Variants in DIAPH2 observed in about 807,000 individuals in gnomAD.
DIAPH2 encodes the protein protein diaphanous homolog 2.
In DIAPH2, 35 loss-of-function variants were observed where a neutral mutation model predicts 92.7. That is an observed-to-expected ratio of 0.38 (90% CI 0.29 to 0.50). The LOEUF (loss-of-function observed/expected upper bound fraction) is 0.50. Ranked by LOEUF, DIAPH2 falls within the 20% of genes least tolerant of loss-of-function variation. DIAPH2 has a pLI of 0.94. For missense variants in DIAPH2, 701 were observed against 819.5 expected, an observed-to-expected ratio of 0.86 and a Z score of 1.77; for synonymous variants, 301 against 280.4, an observed-to-expected ratio of 1.07 and a Z score of -0.73.
chrX:96,830,574 A>C, intron 4 of DIAPH2, among the ~76,000 whole-genome samples: 1 of 97,013 alleles, frequency 1.0e-5, no homozygotes. Context: ...CAGTCTCAAA[A>C]AAAAAAAAAA....
chrX:97,217,736 A>G (rs1043443846), intron 22 of DIAPH2, among the ~76,000 whole-genome samples: 24 of 111,777 alleles, frequency 2.1e-4, no homozygotes, highest in Non-Finnish European at 4.1e-4. Flanking sequence ...TCACGAGGTC[A>G]AGAGTTCAAG....
intron 26 of DIAPH2, among the ~76,000 whole-genome samples, chrX:97,433,657 C>CA (rs1213092981): frequency 8.9e-6 from 1 of 112,097 alleles, no homozygotes; most frequent in African/African-American, 3.2e-5. Flanking sequence ...TTGCTGATGT[C>CA]AAAATCAGAG....
At chrX:96,836,020 G>T (rs62597703) in intron 4 of DIAPH2, among the ~76,000 whole-genome samples, 5,121 of 110,412 alleles carry the variant, frequency 0.046, 120 homozygotes, top group Non-Finnish European at 0.074. Context: ...TCCCCATGTT[G>T]CCCAGGCTGT....
chrX:97,193,012 C>CTTTTCTTTTTTT (rs1256888466), intron 22 of DIAPH2, among the ~76,000 whole-genome samples: 9 of 86,590 alleles, frequency 1.0e-4, no homozygotes, highest in African/African-American at 3.5e-4. Flanking sequence ...TTTTTCTTTT[C>CTTTTCTTTTTTT]TTTTTTTTTT....
At chrX:97,235,620 AAAAG>A (rs1174176697) in intron 22 of DIAPH2, among the ~76,000 whole-genome samples, 4 of 108,851 alleles carry the variant, frequency 3.7e-5, no homozygotes, top group Non-Finnish European at 5.7e-5. Flanking sequence ...AAAAAAAAAA[AAAAG>A]AAAGAAATTT....
At chrX:97,204,503 CA>C (rs1330430695) in intron 22 of DIAPH2, among the ~76,000 whole-genome samples, 1 of 111,888 alleles carries the variant, frequency 8.9e-6, no homozygotes, top group Non-Finnish European at 1.9e-5. Context: ...GTGCAAAAAT[CA>C]CAAGCATTTC....
chrX:97,072,682 G>A (rs186806963), intron 17 of DIAPH2, among the ~76,000 whole-genome samples: 17 of 111,516 alleles, frequency 1.5e-4, no homozygotes, highest in Admixed American at 9.5e-4. Flanking sequence ...TTAATGTTGC[G>A]TATTAGGTAA....
At chrX:97,175,101 T>C (rs929555685) in intron 22 of DIAPH2, among the ~76,000 whole-genome samples, 1 of 111,862 alleles carries the variant, frequency 8.9e-6, no homozygotes, top group African/African-American at 3.2e-5. Flanking sequence ...TTCATGCCCA[T>C]ACTGCTAGCT....
intron 25 of DIAPH2, among the ~76,000 whole-genome samples, chrX:97,428,114 A>G (rs1265500239): frequency 9.2e-6 from 1 of 108,553 alleles, no homozygotes; most frequent in Non-Finnish European, 1.9e-5. Context: ...TTTTTTTTTC[A>G]TTCAATACCC....
intron 4 of DIAPH2, among the ~76,000 whole-genome samples, chrX:96,796,455 CA>C (rs956842147): frequency 1.8e-5 from 2 of 112,412 alleles, no homozygotes; most frequent in Non-Finnish European, 3.8e-5. Context: ...GCTGGGATTA[CA>C]GGCGTGAGCC....
chrX:96,712,288 A>G (rs760244090), intron 1 of DIAPH2, among the ~76,000 whole-genome samples: 1 of 109,454 alleles, frequency 9.1e-6, no homozygotes, highest in Non-Finnish European at 1.9e-5. Context: ...TTTTTATATA[A>G]TTTTTTCATC....
chrX:97,252,121 A>T (rs1338911886), intron 23 of DIAPH2, among the ~76,000 whole-genome samples: 1 of 112,302 alleles, frequency 8.9e-6, no homozygotes, highest in Non-Finnish European at 1.9e-5. Context: ...TATCTAAAAA[A>T]GCACATCAAC....
In DIAPH2 at chrX:97,446,493, CA is replaced by C. The variant is rs1193364717; in HGVS notation, c.3241+16751del. On this transcript the variant is annotated intron_variant, in intron 26 of 26. Transcript: ENST00000324765. Reference sequence around the variant, plus strand: ...TTCTTTATTATTAAGGCATGTAAAACAAAGAAAAAAATAATTTAAAGCACTT... The same window carrying C: ...TTCTTTATTATTAAGGCATGTAAAACAAGAAAAAAATAATTTAAAGCACTT... Among the ~76,000 whole-genome samples the C allele has an allele frequency of 5.6e-3, 629 of 111,571 alleles. 2 individuals carry two copies. The highest frequency in any genetic ancestry group is 0.019 in the African/African-American group (595 of 30,754).
intron 25 of DIAPH2, among the ~76,000 whole-genome samples, chrX:97,424,727 G>A (rs1025582818): frequency 1.3e-4 from 15 of 111,159 alleles, no homozygotes; most frequent in African/African-American, 4.3e-4. Context: ...TGACCCTCCC[G>A]CCCCAGCCTC....
chrX:97,467,363 A>G (rs2070522127), intron 26 of DIAPH2, among the ~76,000 whole-genome samples: 1 of 112,249 alleles, frequency 8.9e-6, no homozygotes, highest in African/African-American at 3.2e-5. Context: ...ATAAATGCAC[A>G]AAGTCTTCCT....
intron 1 of DIAPH2, among the ~76,000 whole-genome samples, chrX:96,713,216 C>T (rs749756832): frequency 1.4e-4 from 16 of 111,815 alleles, no homozygotes; most frequent in Non-Finnish European, 3.0e-4. Flanking sequence ...AAAAAATTTC[C>T]TTTATCTTGA....
At chrX:97,070,435 G>A (rs777482167) in intron 17 of DIAPH2, among the ~76,000 whole-genome samples, 2 of 111,728 alleles carry the variant, frequency 1.8e-5, no homozygotes, top group Non-Finnish European at 3.8e-5. Flanking sequence ...GACATTTTGA[G>A]GTCACTATGA....
rs2065859674 is a variant in DIAPH2 at position 96,962,346 on chromosome X, TATATACACATATATATATAC to T, written c.1936-2745_1936-2726del. 8.3e-5 allele frequency among the ~76,000 whole-genome samples: 6 copies of T among 72,364 alleles called. 1 individual carries two copies. Among genetic ancestry groups the T allele is most frequent in the African/African-American group, 3.3e-4 (6 of 18,270 alleles). 62.8% of individuals were successfully genotyped at this position (72,364 alleles called of 115,157 possible). On this transcript the variant is annotated intron_variant, in intron 16 of 26. Coordinates refer to ENST00000324765, the MANE Select transcript of DIAPH2 (RefSeq NM_006729.5). Reference sequence around the variant, plus strand: ...ATACACATATATATATACATATATATATATACACATATATATATACACATATATATATACACATATATATA... The same window carrying T: ...ATACACATATATATATACATATATATACATATATATATACACATATATATA...
At chrX:96,890,130 C>T (rs1043571982) in intron 5 of DIAPH2, among the ~76,000 whole-genome samples, 2 of 109,996 alleles carry the variant, frequency 1.8e-5, no homozygotes, top group African/African-American at 6.6e-5. Context: ...GGTGAAGTGA[C>T]ACCCCAGGAT....
Sources: gnomAD v4.1 joint callset for allele counts (sites outside exome capture counted in the v4.1 genomes callset) on GRCh38, gnomAD v4.1.1 for gene constraint, MANE v1.5 for transcripts, NCBI Gene and HGNC (gene_info 2026-07-23, HGNC 2026-07-21) for gene names.